Variants in TICRR observed in about 807,000 individuals in gnomAD.
TICRR encodes TOPBP1 interacting checkpoint and replication regulator.
TICRR carries 132 observed loss-of-function variants against 178.1 expected under a neutral mutation model. The observed-to-expected ratio is 0.74, with a 90% CI of 0.64 to 0.86. TICRR has a LOEUF of 0.86. TICRR is among the 40% of genes least tolerant of loss of function. TICRR has a pLI of 0.00. For synonymous variants in TICRR, 991 were observed against 900.7 expected, an observed-to-expected ratio of 1.10 and a Z score of -1.79; for missense variants, 2,587 against 2,334.3, an observed-to-expected ratio of 1.11 and a Z score of -2.23.
At chr15:89,601,186 TCTC>T (rs1329344362) in intron 9 of TICRR, 109 bp from the exon 10 acceptor site, 3 of 799,426 alleles carry the variant, frequency 3.8e-6, no homozygotes, top group Non-Finnish European at 4.0e-6. Flanking sequence ...AGGCACTGGC[TCTC>T]CTCCTTTTTG....
At chr15:89,583,781 G>A (rs1962771937) in intron 2 of TICRR, among the ~76,000 whole-genome samples, 3 of 151,962 alleles carry the variant, frequency 2.0e-5, no homozygotes, top group Non-Finnish European at 2.9e-5. Flanking sequence ...CGACTTCCTG[G>A]GCTCAAGGGA....
chr15:89,584,426 A>C lies in TICRR; in HGVS notation c.1075A>C (p.Thr359Pro). ...WSLPTSSTLGTDSWMLGSPEE... is the reference protein window; with the variant it reads ...WSLPTSSTLGPDSWMLGSPEE... ...TCTCCCAACGAGCAGCACTTTGGGC[A>C]CTGACAGCTGGATGCTAGGAAGTCC... The change falls in exon 3 of 22, where the codon ACT (threonine) becomes CCT (proline). Residue 359 changes from threonine (T) to proline (P), a missense_variant. Transcript: ENST00000268138. 6.2e-7 allele frequency: 1 copy of C among 1,614,114 alleles called. No individual in the cohort carries two copies. The highest frequency in any genetic ancestry group is 8.5e-7 in the Non-Finnish European group (1 of 1,179,996).
Position 89,627,235 on chromosome 15 carries a change from T to G in TICRR, c.*149T>G. 2 of 934,480 alleles carry G rather than the reference T, an allele frequency of 2.1e-6. No homozygotes were observed. Among genetic ancestry groups the G allele is most frequent in the Non-Finnish European group, 3.2e-6 (2 of 634,126 alleles). The allele number at this position is 934,480 out of a possible 1,614,324, so 57.9% of individuals were successfully genotyped here. ...CCTTAGGGTTTTCTAATTCCCCTTATGGATCCAATCCATCTCCTGGCCCTG... is the reference window on the plus strand; with the variant it reads ...CCTTAGGGTTTTCTAATTCCCCTTAGGGATCCAATCCATCTCCTGGCCCTG... On this transcript the variant is annotated 3_prime_UTR_variant, in exon 22 of 22. Transcript: ENST00000268138.
At chr15:89,588,783 C>T (rs1452896042) in intron 4 of TICRR, among the ~76,000 whole-genome samples, 1 of 152,140 alleles carries the variant, frequency 6.6e-6, no homozygotes, top group Admixed American at 6.5e-5. Flanking sequence ...ACTGGAGAGA[C>T]TGACGGTGGT....
chr15:89,576,380 A>G (rs1458352422), intron 1 of TICRR, 140 bp downstream of exon 1: 1 of 852,846 alleles, frequency 1.2e-6, no homozygotes, highest in Admixed American at 3.3e-5. Context: ...AAACAAATAA[A>G]TAGGAACAGT....
chr15:89,582,062 G>A (rs939841912), intron 1 of TICRR: 2 of 152,484 alleles, frequency 1.3e-5, no homozygotes, highest in African/African-American at 4.8e-5. Context: ...AGTGGCTGTT[G>A]CCTGTAGTCC....
At chr15:89,608,264 T>C (rs1332616276) in intron 14 of TICRR, among the ~76,000 whole-genome samples, 1 of 152,106 alleles carries the variant, frequency 6.6e-6, no homozygotes, top group African/African-American at 2.4e-5. Context: ...CTAGATGAAA[T>C]GGACAGACTC....
At chr15:89,606,394 G>A (rs185163841) in intron 13 of TICRR, among the ~76,000 whole-genome samples, 4 of 152,194 alleles carry the variant, frequency 2.6e-5, no homozygotes, top group African/African-American at 4.8e-5. Context: ...GCTCCACTGA[G>A]TGTTTCCTTT....
rs745930616 is a variant in TICRR, at chr15:89,576,278, G to A, written c.654+38G>A. 2.0e-6 allele frequency: 3 copies of A among 1,496,104 alleles called. No individual in the cohort carries two copies. In the Admixed American group the frequency reaches 6.7e-5, roughly 33 times the overall value. 92.7% of individuals were successfully genotyped at this position (1,496,104 alleles called of 1,614,324 possible). On this transcript the variant is annotated intron_variant, in intron 1 of 21. Coordinates refer to ENST00000268138, the MANE Select transcript of TICRR (RefSeq NM_152259.4). ...ACTGTCGTCTCAGATGGCGTGCACG[G>A]TGCTTTCCTTGCTAACCAGAACTTG...
chr15:89,603,710 A>C (rs1963132605), intron 13 of TICRR, among the ~76,000 whole-genome samples: 1 of 152,240 alleles, frequency 6.6e-6, no homozygotes, highest in African/African-American at 2.4e-5. Flanking sequence ...CAAGACCCCC[A>C]GTGGATGCCT....
Position 89,624,196 on chromosome 15 carries a change from G to C in TICRR, c.3886G>C (p.Gly1296Arg). The change falls in exon 20 of 22, where the codon GGG becomes CGG. Residue 1296 changes from glycine to arginine, a missense_variant. By Grantham distance (125) the Gly-to-Arg change is moderately radical. Transcript: ENST00000268138. Reference protein sequence around the residue: ...DKAIKTPKRPGNSTVTSSPPV... With the variant: ...DKAIKTPKRPRNSTVTSSPPV... ...AGCTATCAAAACTCCAAAAAGACCA[G>C]GGAATTCAACTGTGACTTCTTCCCC... 1 of 1,614,062 alleles carries C rather than the reference G, an allele frequency of 6.2e-7. No homozygotes were observed. Among genetic ancestry groups the C allele is most frequent in the African/African-American group, 1.3e-5 (1 of 75,022 alleles).
intron 13 of TICRR, 33 bp downstream of exon 13, chr15:89,602,925 T>A: frequency 8.0e-7 from 1 of 1,246,564 alleles, no homozygotes; most frequent in Non-Finnish European, 1.1e-6. Flanking sequence ...GATGACACAG[T>A]AAATAAGAAC....
intron 5 of TICRR, among the ~76,000 whole-genome samples, chr15:89,593,663 G>A (rs1357930721): frequency 6.6e-6 from 1 of 152,264 alleles, no homozygotes; most frequent in East Asian, 1.9e-4. Context: ...CCAAGATCGC[G>A]CCACTGCACT....
rs778625002 is a variant in TICRR at position 89,601,984 on chromosome 15, G to T, written c.2567+8G>T. On this transcript the variant is annotated splice_region_variant and intron_variant, in intron 12 of 21. Transcript: ENST00000268138. ...ATCAGCCAAGAAGAGAAGGTAAGAG[G>T]TCAAAGAATCAAAGGAATTATTTGC... 2 of 1,613,724 alleles carry T rather than the reference G, an allele frequency of 1.2e-6. No individual in the cohort carries two copies. The highest frequency in any genetic ancestry group is 1.7e-5 in the Admixed American group (1 of 59,994).
intron 7 of TICRR, among the ~76,000 whole-genome samples, chr15:89,598,719 C>T (rs868593382): frequency 1.3e-5 from 2 of 152,096 alleles, no homozygotes; most frequent in Non-Finnish European, 2.9e-5. Context: ...TAAAATTAAT[C>T]ACTTGGCTGG....
In TICRR at chr15:89,627,007, G is replaced by A. The variant is rs369194000; in HGVS notation, c.5654G>A (p.Arg1885His). 1.5e-5 allele frequency: 24 copies of A among 1,613,874 alleles called. No homozygotes were observed. Among genetic ancestry groups the A allele is most frequent in the Admixed American group, 3.3e-5 (2 of 59,988 alleles). The change falls in exon 22 of 22, where the codon CGC becomes CAC. Residue 1885 changes from arginine to histidine, a missense_variant. By Grantham distance (29) the Arg-to-His change is conservative. Coordinates refer to ENST00000268138, the MANE Select transcript of TICRR (RefSeq NM_152259.4). ...PSTVEDSPFSRAFSRRRPISR... is the reference protein window; with the variant it reads ...PSTVEDSPFSHAFSRRRPISR... ...ACTGTAGAAGACTCTCCTTTCAGTC[G>A]CGCTTTCTCCAGGAGGCGCCCCATC...
Position 89,625,210 on chromosome 15 carries a change from C to T in TICRR, c.4900C>T (p.Pro1634Ser), listed in dbSNP as rs1187234072. ...PPCPRLSHST[P>S]GKSRGQTYIC... ...CTGCCCCCGCCTCTCCCACAGCACACCTGGCAAGAGCAGGGGGCAAACCTA... is the reference window on the plus strand; with the variant it reads ...CTGCCCCCGCCTCTCCCACAGCACATCTGGCAAGAGCAGGGGGCAAACCTA... The change falls in exon 20 of 22, where the codon CCT (proline) becomes TCT (serine). Residue 1634 changes from proline (P) to serine (S), a missense_variant. By Grantham distance (74) the Pro-to-Ser change is moderately conservative (BLOSUM62 -1). Transcript: ENST00000268138. The T allele has an allele frequency of 4.3e-6, 7 of 1,613,740 alleles. No homozygotes were observed. Among genetic ancestry groups the T allele is most frequent in the Non-Finnish European group, 4.2e-6 (5 of 1,179,846 alleles).
intron 2 of TICRR, among the ~76,000 whole-genome samples, chr15:89,583,530 A>G (rs1962767490): frequency 6.6e-6 from 1 of 152,244 alleles, no homozygotes; most frequent in Non-Finnish European, 1.5e-5. Context: ...TGTGCAGTTT[A>G]AGGAATTTTC....
At chr15:89,588,788 G>A (rs1430921270) in intron 4 of TICRR, among the ~76,000 whole-genome samples, 1 of 152,150 alleles carries the variant, frequency 6.6e-6, no homozygotes, top group African/African-American at 2.4e-5. Context: ...AGAGACTGAC[G>A]GTGGTGAGTC....
Sources: allele counts gnomAD v4.1 joint callset (sites outside exome capture counted in the v4.1 genomes callset), GRCh38; gene constraint gnomAD v4.1.1; transcripts MANE v1.5; gene names NCBI Gene and HGNC (gene_info 2026-07-23, HGNC 2026-07-21).